Variants in RIMOC1 observed in about 807,000 individuals in gnomAD.
RIMOC1 encodes RAB7A interacting MON1-CCZ1 complex subunit 1.
the RIMOC1 span, chr5:41,919,995 A>G: frequency 6.6e-6 from 1 of 152,194 alleles, no homozygotes; most frequent in South Asian, 2.1e-4. Flanking sequence ...AACTTTGCAC[A>G]AAAAGTTGTT....
the RIMOC1 span, among the ~76,000 whole-genome samples, chr5:41,905,293 T>A: frequency 6.6e-6 from 1 of 152,212 alleles, no homozygotes; most frequent in Non-Finnish European, 1.5e-5. Flanking sequence ...AATGCCTTAG[T>A]TTCAGTGAAT....
At chr5:41,904,372 C>A in the RIMOC1 span, 63 of 1,612,970 alleles carry the variant, frequency 3.9e-5, no homozygotes, top group African/African-American at 3.3e-4. Flanking sequence ...GTGGCCATGG[C>A]GGCCGCAGTC....
chr5:41,916,229 C>A, the RIMOC1 span: 1 of 187,682 alleles, frequency 5.3e-6, no homozygotes, highest in Non-Finnish European at 9.9e-6. Context: ...GATTTAAAAC[C>A]TGAGATTCAA....
At chr5:41,920,154 C>G in the RIMOC1 span, 2 of 152,100 alleles carry the variant, frequency 1.3e-5, no homozygotes, top group Non-Finnish European at 2.9e-5. Flanking sequence ...TTCATTTTAC[C>G]TTCGTGACCC....
At chr5:41,919,575 G>T in the RIMOC1 span, 1 of 152,106 alleles carries the variant, frequency 6.6e-6, no homozygotes, top group Non-Finnish European at 1.5e-5. Context: ...ACGGTTTTTA[G>T]AACCACAGAC....
the RIMOC1 span, among the ~76,000 whole-genome samples, chr5:41,912,550 G>T: frequency 6.6e-6 from 1 of 152,178 alleles, no homozygotes; most frequent in Admixed American, 6.5e-5. Flanking sequence ...GGCTGGGAAG[G>T]TGTCAGGAAA....
At chr5:41,921,096 G>T in the RIMOC1 span, 3 of 152,590 alleles carry the variant, frequency 2.0e-5, no homozygotes, top group Non-Finnish European at 2.9e-5. Flanking sequence ...TGATTAAGGT[G>T]CAAATCATGA....
At chr5:41,906,619 GGTGGAAGGACA>G in the RIMOC1 span, among the ~76,000 whole-genome samples, 3 of 152,280 alleles carry the variant, frequency 2.0e-5, no homozygotes, top group South Asian at 6.2e-4. Flanking sequence ...GCTAATGAGA[GGTGGAAGGACA>G]GTGCTAAGAA....
chr5:41,913,873 A>G, the RIMOC1 span, among the ~76,000 whole-genome samples: 2 of 152,216 alleles, frequency 1.3e-5, no homozygotes, highest in Admixed American at 1.3e-4. Flanking sequence ...TTTGACAAAC[A>G]TAGGATATTT....
At chr5:41,920,409 C>T in the RIMOC1 span, 1 of 152,180 alleles carries the variant, frequency 6.6e-6, no homozygotes, top group Admixed American at 6.5e-5. Context: ...GAAAGTACTA[C>T]ACTAAATTCA....
the RIMOC1 span, chr5:41,921,082 A>G: frequency 4.6e-5 from 7 of 152,596 alleles, no homozygotes; most frequent in African/African-American, 1.7e-4. Flanking sequence ...AGAATAATTG[A>G]TGCTGATTAA....
At chr5:41,915,094 G>A in the RIMOC1 span, among the ~76,000 whole-genome samples, 2 of 152,226 alleles carry the variant, frequency 1.3e-5, no homozygotes, top group Admixed American at 6.5e-5. Flanking sequence ...GACATTATCT[G>A]TATATCATTA....
the RIMOC1 span, chr5:41,917,213 G>A: frequency 6.2e-7 from 1 of 1,613,618 alleles, no homozygotes; most frequent in Non-Finnish European, 8.5e-7. Flanking sequence ...GTATGTATCT[G>A]TGTGTGAAGG....
the RIMOC1 span, among the ~76,000 whole-genome samples, chr5:41,905,495 C>T: frequency 1.3e-5 from 2 of 152,222 alleles, no homozygotes; most frequent in Non-Finnish European, 2.9e-5. Flanking sequence ...GTCCTGAACT[C>T]CTGGGCTCAA....
the RIMOC1 span, chr5:41,912,254 T>A: frequency 2.2e-5 from 19 of 850,832 alleles, no homozygotes; most frequent in Non-Finnish European, 3.6e-5. Flanking sequence ...TTTGTTAGAT[T>A]TCACTCTGAT....
At chr5:41,915,624 G>C in the RIMOC1 span, among the ~76,000 whole-genome samples, 13 of 152,162 alleles carry the variant, frequency 8.5e-5, no homozygotes, top group African/African-American at 2.7e-4. Context: ...GCGGTGGCAA[G>C]AGAGAAGGAG....
chr5:41,917,780 T>C, the RIMOC1 span: 1 of 896,228 alleles, frequency 1.1e-6, no homozygotes, highest in Non-Finnish European at 1.3e-6. Context: ...ATGACTAATA[T>C]TCAGATTCCA....
chr5:41,909,535 C>T, the RIMOC1 span, among the ~76,000 whole-genome samples: 2 of 152,054 alleles, frequency 1.3e-5, no homozygotes, highest in Admixed American at 6.6e-5. Context: ...ATTAATTCAG[C>T]ACTTTAGTGA....
At chr5:41,909,944 T>C in the RIMOC1 span, 5 of 1,402,340 alleles carry the variant, frequency 3.6e-6, no homozygotes, top group East Asian at 1.2e-4. Context: ...GTACTTGCTG[T>C]CCTGCTTTTT....
Sources: allele counts gnomAD v4.1 joint callset (sites outside exome capture counted in the v4.1 genomes callset), GRCh38; gene constraint gnomAD v4.1.1; transcripts MANE v1.5; gene names NCBI Gene and HGNC (gene_info 2026-07-23, HGNC 2026-07-21).